Variants in LRRC18 observed in about 807,000 individuals in gnomAD.
LRRC18 encodes leucine-rich repeat-containing protein 18.
Under a neutral mutation model 11.2 loss-of-function variants are expected in LRRC18, and 12 were observed. The ratio of observed to expected loss-of-function variants is 1.07; its 90% CI spans 0.69 to 1.74. The LOEUF (loss-of-function observed/expected upper bound fraction) is 1.74. LRRC18 is among the 40% of genes most tolerant of loss of function. LRRC18 has a pLI of 0.00. For synonymous variants in LRRC18, 155 were observed against 130.6 expected (o/e 1.19, Z -1.27); for missense variants, 374 against 330.5 (o/e 1.13, Z -1.02).
chr10:48,932,213 T>C, the LRRC18 span, among the ~76,000 whole-genome samples: 1 of 152,226 alleles, frequency 6.6e-6, no homozygotes, highest in Non-Finnish European at 1.5e-5. Flanking sequence ...ATCTGGCTTC[T>C]ACCACCAGTG....
At chr10:48,928,837 C>T in the LRRC18 span, among the ~76,000 whole-genome samples, 1 of 152,206 alleles carries the variant, frequency 6.6e-6, no homozygotes, top group African/African-American at 2.4e-5. Flanking sequence ...TCTAAGGACA[C>T]AGCTGAACTT....
chr10:48,926,641 T>A, the LRRC18 span, among the ~76,000 whole-genome samples: 72 of 152,318 alleles, frequency 4.7e-4, no homozygotes, highest in African/African-American at 1.6e-3. Flanking sequence ...GGCCAATATG[T>A]AGGATGTTCA....
At chr10:48,912,008 C>A (rs1299560531) in intron 1 of LRRC18, among the ~76,000 whole-genome samples, 1 of 152,176 alleles carries the variant, frequency 6.6e-6, no homozygotes, top group Non-Finnish European at 1.5e-5. Flanking sequence ...CTTGGTGCTT[C>A]TCATCATCCA....
At chr10:48,929,742 C>G in the LRRC18 span, among the ~76,000 whole-genome samples, 1 of 152,194 alleles carries the variant, frequency 6.6e-6, no homozygotes, top group Non-Finnish European at 1.5e-5. Context: ...ATCTCAAACC[C>G]TGTCTGTCCC....
the LRRC18 span, among the ~76,000 whole-genome samples, chr10:48,933,099 G>A: frequency 6.6e-6 from 1 of 152,282 alleles, no homozygotes; most frequent in South Asian, 2.1e-4. Context: ...AGTCTGTGCT[G>A]AAGGGCATGG....
the LRRC18 span, among the ~76,000 whole-genome samples, chr10:48,922,531 T>C: frequency 6.6e-6 from 1 of 152,216 alleles, no homozygotes; most frequent in African/African-American, 2.4e-5. Flanking sequence ...TTGAAATTGT[T>C]CTATTTTATG....
At chr10:48,933,103 G>A in the LRRC18 span, among the ~76,000 whole-genome samples, 1,485 of 152,254 alleles carry the variant, frequency 9.8e-3, 12 homozygotes, top group Non-Finnish European at 0.015. Flanking sequence ...TGTGCTGAAG[G>A]GCATGGCAGA....
At chr10:48,931,480 G>A in the LRRC18 span, among the ~76,000 whole-genome samples, 5 of 152,182 alleles carry the variant, frequency 3.3e-5, no homozygotes, top group African/African-American at 7.2e-5. Flanking sequence ...TAAACAACAC[G>A]TGGCCTGTTG....
At chr10:48,935,464 C>T in the LRRC18 span, among the ~76,000 whole-genome samples, 43 of 152,344 alleles carry the variant, frequency 2.8e-4, no homozygotes, top group African/African-American at 8.4e-4. Flanking sequence ...TCTATGGCAA[C>T]GGCCAAGCGG....
the LRRC18 span, among the ~76,000 whole-genome samples, chr10:48,929,535 G>C: frequency 6.6e-6 from 1 of 152,162 alleles, no homozygotes; most frequent in Non-Finnish European, 1.5e-5. Flanking sequence ...CAAGCCCCTT[G>C]CTCCTCTTCT....
At chr10:48,923,725 T>C in the LRRC18 span, among the ~76,000 whole-genome samples, 240 of 152,184 alleles carry the variant, frequency 1.6e-3, 1 homozygote, top group Middle Eastern at 0.014. Flanking sequence ...AGTCCTCAAG[T>C]TGAAATAGTT....
the LRRC18 span, among the ~76,000 whole-genome samples, chr10:48,937,386 G>T: frequency 6.6e-6 from 1 of 152,300 alleles, no homozygotes; most frequent in Non-Finnish European, 1.5e-5. Context: ...TTTCTTCAGT[G>T]TTAGGGTCCT....
the LRRC18 span, among the ~76,000 whole-genome samples, chr10:48,926,087 C>T: frequency 6.6e-6 from 1 of 152,208 alleles, no homozygotes; most frequent in Non-Finnish European, 1.5e-5. Context: ...TCTCTCCTCC[C>T]TCTGTTGCCT....
upstream of LRRC18, among the ~76,000 whole-genome samples, chr10:48,916,628 G>A (rs762196135): frequency 7.9e-5 from 12 of 152,302 alleles, no homozygotes; most frequent in Admixed American, 2.6e-4. Context: ...CCAAAAAGTC[G>A]GGGGAGAAGA....
the LRRC18 span, among the ~76,000 whole-genome samples, chr10:48,924,459 G>C: frequency 6.6e-6 from 1 of 152,234 alleles, no homozygotes; most frequent in Non-Finnish European, 1.5e-5. Flanking sequence ...TAGTTATAGG[G>C]AGAAAGATGT....
At chr10:48,934,616 A>T in the LRRC18 span, among the ~76,000 whole-genome samples, 2 of 152,258 alleles carry the variant, frequency 1.3e-5, no homozygotes, top group African/African-American at 4.8e-5. Context: ...AGTGTTCAGG[A>T]TAACTTGTAG....
the LRRC18 span, among the ~76,000 whole-genome samples, chr10:48,919,397 C>A: frequency 1.3e-5 from 2 of 152,278 alleles, no homozygotes; most frequent in African/African-American, 2.4e-5. Flanking sequence ...ACGGTTGAAA[C>A]CCTTTCAAAA....
At chr10:48,931,513 G>A in the LRRC18 span, among the ~76,000 whole-genome samples, 1 of 152,328 alleles carries the variant, frequency 6.6e-6, no homozygotes, top group East Asian at 1.9e-4. Flanking sequence ...CCGTATTATG[G>A]TGCAATATGG....
exon 1 of LRRC18, chr10:48,914,076 T>A: frequency 6.2e-7 from 1 of 1,614,234 alleles, no homozygotes; most frequent in Non-Finnish European, 8.5e-7. Flanking sequence ...CTTTTTCCCA[T>A]CAAAAGTGAT....
Sources: allele counts gnomAD v4.1 joint callset (sites outside exome capture counted in the v4.1 genomes callset), GRCh38; gene constraint gnomAD v4.1.1; transcripts MANE v1.5; gene names NCBI Gene and HGNC (gene_info 2026-07-23, HGNC 2026-07-21).